The following CDC37L1 variants were observed in gnomAD, a reference collection of about 807,000 sequenced individuals.
The protein encoded by CDC37L1 is hsp90 co-chaperone Cdc37-like 1.
CDC37L1 carries 32 observed loss-of-function variants against 45.9 expected under a neutral mutation model. The ratio of observed to expected loss-of-function variants is 0.70; its 90% confidence interval spans 0.53 to 0.94. The LOEUF is 0.94. Among genes scored for constraint, CDC37L1 ranks in the 40% least tolerant of loss-of-function variants. The probability of loss-of-function intolerance (pLI) is 0.00; values close to 1 mark genes in which losing one functional copy is unlikely to be tolerated. For missense variants in CDC37L1, 434 were observed against 405.7 expected (o/e 1.07, Z -0.60); for synonymous variants, 150 against 133.0 (o/e 1.13, Z -0.88).
intron 1 of CDC37L1, among the ~76,000 whole-genome samples, chr9:4,681,909 C>G (rs902049420): frequency 6.6e-6 from 1 of 151,984 alleles, no homozygotes; most frequent in Non-Finnish European, 1.5e-5. Context: ...GTTTAATGTC[C>G]CTCTAAAACT....
chr9:4,683,924 A>C (rs1841221745), intron 1 of CDC37L1, among the ~76,000 whole-genome samples: 1 of 152,224 alleles, frequency 6.6e-6, no homozygotes, highest in African/African-American at 2.4e-5. Flanking sequence ...TAATTAAGTA[A>C]ATAAAAGTAA....
intron 2 of CDC37L1, chr9:4,685,423 A>G: frequency 3.4e-6 from 1 of 297,740 alleles, no homozygotes; most frequent in Non-Finnish European, 6.4e-6. Flanking sequence ...ATATATTAAA[A>G]AACATTCACA....
In CDC37L1 at chr9:4,692,801, G is replaced by A. The variant is rs561684456; in HGVS notation, c.508+4195G>A. 1.2e-4 allele frequency among the ~76,000 whole-genome samples: 19 copies of A among 152,274 alleles called. No homozygotes were observed. In the South Asian group the frequency reaches 3.5e-3, roughly 28 times the overall value. On this transcript the variant is annotated intron_variant, in intron 3 of 6. Transcript: ENST00000381854. ...AGAAAACTCATTAATGTGATTCACT[G>A]TATTAACTGATCATAGTAGTATAAC...
chr9:4,688,627 T>C, intron 3 of CDC37L1, 21 bp downstream of exon 3: 1 of 1,397,224 alleles, frequency 7.2e-7, no homozygotes, highest in Non-Finnish European at 9.7e-7. Context: ...TACTTGGATT[T>C]CCTTCTTTGT....
At chr9:4,688,093 G>A (rs1841267096) in intron 2 of CDC37L1, among the ~76,000 whole-genome samples, 1 of 152,178 alleles carries the variant, frequency 6.6e-6, no homozygotes, top group African/African-American at 2.4e-5. Flanking sequence ...TGCCTCCTGG[G>A]TTCACGCAAG....
At chr9:4,693,206 C>G (rs1288975007) in intron 3 of CDC37L1, among the ~76,000 whole-genome samples, 1 of 151,600 alleles carries the variant, frequency 6.6e-6, no homozygotes, top group Non-Finnish European at 1.5e-5. Context: ...CTTTGAGAAA[C>G]TGAGGCTGGA....
Position 4,696,962 on chromosome 9 carries a change from A to C in CDC37L1, c.509-134A>C, listed in dbSNP as rs1841353514. 1.5e-5 allele frequency: 9 copies of C among 580,724 alleles called. No homozygotes were observed. The South Asian group carries it at 1.9e-4, about 13-fold the overall frequency. 36.0% of individuals were successfully genotyped at this position (580,724 alleles called of 1,614,324 possible). A position where few individuals can be genotyped will look rare whatever the true frequency, so the allele number is the denominator to read the frequency against. On this transcript the variant is annotated intron_variant, in intron 3 of 6. Transcript: ENST00000381854. ...TTTACCATAATCTGTTGCTCTGGTA[A>C]TATGAATTGTCTTTAAAGAGAATCA...
At position 4,706,039 on chromosome 9, in the gene CDC37L1, G is replaced by C. The variant is rs1266951602; in HGVS notation, c.941G>C (p.Ser314Thr). The C allele has an allele frequency of 1.3e-6, 2 of 1,594,162 alleles. No individual in the cohort carries two copies. Among genetic ancestry groups the C allele is most frequent in the East Asian group, 2.2e-5 (1 of 44,738 alleles). Residue 314 changes from serine (S) to threonine (T), a missense_variant, in exon 7 of 7, where the codon AGT becomes ACT. Coordinates refer to ENST00000381854, the MANE Select transcript of CDC37L1 (RefSeq NM_017913.4). The stretch of plus-strand genomic sequence containing the variant: ...CCAGATTATCTTCAGTATTCTATCA[G>C]TACAGCTCTCTGCAGCTTAAACTCG... ...QNPDYLQYSI[S>T]TALCSLNSVV...
chr9:4,685,346 C>A, intron 2 of CDC37L1, 188 bp downstream of exon 2: 1 of 514,946 alleles, frequency 1.9e-6, no homozygotes, highest in South Asian at 2.7e-5. Context: ...GAGCTGCAGA[C>A]TCCAGGCAGT....
rs765565737 is a variant in CDC37L1, at chr9:4,679,908, G to A, written c.132+9G>A. 27 of 1,613,368 alleles carry A rather than the reference G, an allele frequency of 1.7e-5. No individual in the cohort carries two copies. The highest frequency in any genetic ancestry group is 1.9e-5 in the Non-Finnish European group (23 of 1,179,846). The stretch of plus-strand genomic sequence containing the variant: ...CAGGCGGCGGCGCCCAGGTGAGAAG[G>A]GGCCTGCGTTCTGCGGAGGGATGGA... On this transcript the variant is annotated intron_variant, in intron 1 of 6. Coordinates refer to ENST00000381854, the MANE Select transcript of CDC37L1 (RefSeq NM_017913.4).
chr9:4,703,359 A>G (rs1841417345), intron 6 of CDC37L1, among the ~76,000 whole-genome samples: 1 of 151,268 alleles, frequency 6.6e-6, no homozygotes, highest in African/African-American at 2.4e-5. Context: ...TCTGGCTGAA[A>G]AAAAAAAAAA....
chr9:4,681,499 C>G (rs980846929), intron 1 of CDC37L1, among the ~76,000 whole-genome samples: 1 of 152,086 alleles, frequency 6.6e-6, no homozygotes, highest in African/African-American at 2.4e-5. Flanking sequence ...ACAAAATCAG[C>G]CTGGTGTGGT....
At chr9:4,689,166 C>G (rs1477073845) in intron 3 of CDC37L1, among the ~76,000 whole-genome samples, 2 of 152,006 alleles carry the variant, frequency 1.3e-5, no homozygotes, top group African/African-American at 4.8e-5. Flanking sequence ...TTTCAAGGAA[C>G]AGATAGGAGT....
At chr9:4,689,095 A>G (rs1216539314) in intron 3 of CDC37L1, among the ~76,000 whole-genome samples, 1 of 152,134 alleles carries the variant, frequency 6.6e-6, no homozygotes, top group African/African-American at 2.4e-5. Context: ...TTGGGGAAAA[A>G]GGGTAAGAGG....
chr9:4,698,477 A>G (rs1172177680), intron 5 of CDC37L1, among the ~76,000 whole-genome samples: 1 of 150,826 alleles, frequency 6.6e-6, no homozygotes, highest in Non-Finnish European at 1.5e-5. Context: ...AGAAAAATAG[A>G]TGTCTAGAAA....
rs147322523 is a variant in CDC37L1, at chr9:4,680,546, T to C, written c.132+647T>C. Among the ~76,000 whole-genome samples, 141 of 152,334 alleles carry C rather than the reference T, an allele frequency of 9.3e-4. 1 individual carries two copies. In the Middle Eastern group the frequency reaches 0.01, roughly 11 times the overall value. ...ACTTGTGTTTTCCTTCAGACTTCTC[T>C]TAGGTTCCTGGTATTGTGTTTTCAA... On this transcript the variant is annotated intron_variant, in intron 1 of 6. Transcript: ENST00000381854.
Position 4,688,505 on chromosome 9 carries a change from T to A in CDC37L1, c.415-8T>A, listed in dbSNP as rs1336087518. 1.5e-6 allele frequency: 2 copies of A among 1,361,878 alleles called. No individual in the cohort carries two copies. Among genetic ancestry groups the A allele is most frequent in the Non-Finnish European group, 1.0e-6 (1 of 1,002,310 alleles). The allele number at this position is 1,361,878 out of a possible 1,614,324, so 84.4% of individuals were successfully genotyped here. A position where few individuals can be genotyped will look rare whatever the true frequency, so the allele number is the denominator to read the frequency against. Reference sequence around the variant, plus strand: ...AATCTGATTTAAATTTCTAAAATTTTTTCTTAGAGTTTTATTAATCAAGAT... The same window carrying A: ...AATCTGATTTAAATTTCTAAAATTTATTCTTAGAGTTTTATTAATCAAGAT... On this transcript the variant is annotated splice_region_variant and splice_polypyrimidine_tract_variant and intron_variant, in intron 2 of 6. Coordinates refer to ENST00000381854, the MANE Select transcript of CDC37L1 (RefSeq NM_017913.4).
chr9:4,691,796 T>C (rs1231519224), intron 3 of CDC37L1, among the ~76,000 whole-genome samples: 1 of 152,220 alleles, frequency 6.6e-6, no homozygotes, highest in Non-Finnish European at 1.5e-5. Flanking sequence ...CATTGAAATC[T>C]GACTTTTTCC....
intron 6 of CDC37L1, 87 bp downstream of exon 6, chr9:4,702,115 T>C: frequency 1.8e-6 from 1 of 553,238 alleles, no homozygotes; most frequent in Non-Finnish European, 3.0e-6. Flanking sequence ...TTTTTTTTAA[T>C]ATGTGCTACT....
Sources: gnomAD v4.1 joint callset for allele counts (sites outside exome capture counted in the v4.1 genomes callset) on GRCh38, gnomAD v4.1.1 for gene constraint, MANE v1.5 for transcripts, NCBI Gene and HGNC (gene_info 2026-07-23, HGNC 2026-07-21) for gene names.